Variants in SYNE1 observed in about 807,000 individuals in gnomAD.
SYNE1 encodes the protein spectrin repeat containing nuclear envelope protein 1, also known as nesprin-1.
Under a neutral mutation model 1,111.0 loss-of-function variants are expected in SYNE1, and 616 were observed. The ratio of observed to expected loss-of-function variants is 0.55; its 90% confidence interval spans 0.52 to 0.59. The LOEUF (loss-of-function observed/expected upper bound fraction) is 0.59, where lower values mean the gene tolerates loss of function less well. SYNE1 is among the 20% of genes least tolerant of loss of function. The probability of loss-of-function intolerance (pLI) is 0.00; values close to 1 mark genes in which losing one functional copy is unlikely to be tolerated. For synonymous variants in SYNE1, 3,855 were observed against 3,825.8 expected, an observed-to-expected ratio of 1.01 and a Z score of -0.28; for missense variants, 10,006 against 10,417.0, an observed-to-expected ratio of 0.96 and a Z score of 1.72.
At chr6:152,217,953 G>A (rs2079143765) in intron 121 of SYNE1, among the ~76,000 whole-genome samples, 1 of 152,112 alleles carries the variant, frequency 6.6e-6, no homozygotes, top group Admixed American at 6.6e-5. Context: ...GGGTGTGGTT[G>A]CTCATTCCTG....
intron 142 of SYNE1, 144 bp from the exon 143 acceptor site, chr6:152,133,632 C>A: frequency 1.2e-6 from 1 of 801,854 alleles, no homozygotes; most frequent in South Asian, 1.6e-5. Context: ...AAGGATGCAG[C>A]AGCTCACGGC....
At chr6:152,333,937 T>C in intron 77 of SYNE1, 71 bp downstream of exon 77, 1 of 1,606,828 alleles carries the variant, frequency 6.2e-7, no homozygotes, top group Non-Finnish European at 8.5e-7. Context: ...CTGGGCACAT[T>C]TTAAATTTTT....
At chr6:152,622,373 C>G (rs1232812311) in intron 3 of SYNE1, among the ~76,000 whole-genome samples, 5 of 152,038 alleles carry the variant, frequency 3.3e-5, no homozygotes, top group Non-Finnish European at 7.4e-5. Flanking sequence ...ATCCAGATAT[C>G]AAGCATAGTA....
chr6:152,157,881 C>T (rs976787998), intron 131 of SYNE1, among the ~76,000 whole-genome samples: 6 of 151,946 alleles, frequency 3.9e-5, no homozygotes, highest in Admixed American at 2.6e-4. Flanking sequence ...GCCTCAGCCT[C>T]CTGAGTAGCT....
chr6:152,149,710 C>T (rs1192091640), intron 135 of SYNE1, 42 bp from the exon 136 acceptor site: 2 of 1,535,010 alleles, frequency 1.3e-6, no homozygotes, highest in Non-Finnish European at 9.0e-7. Context: ...ATTGTTGTTG[C>T]TTACATTGAT....
At chr6:152,369,807 A>AC (rs907390533) in intron 59 of SYNE1, among the ~76,000 whole-genome samples, 193 bp from the exon 60 acceptor site, 2 of 150,756 alleles carry the variant, frequency 1.3e-5, no homozygotes, top group South Asian at 2.1e-4. Flanking sequence ...ACATGATGAG[A>AC]CCCCGTCTCT....
chr6:152,625,513 A>T (rs2099683989), intron 3 of SYNE1, among the ~76,000 whole-genome samples: 1 of 152,190 alleles, frequency 6.6e-6, no homozygotes, highest in African/African-American at 2.4e-5. Flanking sequence ...AACATAACCT[A>T]TAGACATGAA....
intron 3 of SYNE1, among the ~76,000 whole-genome samples, chr6:152,565,496 G>A (rs1048067928): frequency 7.2e-5 from 11 of 151,944 alleles, no homozygotes; most frequent in African/African-American, 2.2e-4. Flanking sequence ...CCTCTATTAC[G>A]TGCTAAGTGT....
At chr6:152,585,748 A>G (rs1458853109) in intron 3 of SYNE1, among the ~76,000 whole-genome samples, 1 of 152,218 alleles carries the variant, frequency 6.6e-6, no homozygotes, top group South Asian at 2.1e-4. Context: ...AAAGAAAAAC[A>G]CCGCCATGAT....
At position 152,148,030 on chromosome 6, in the gene SYNE1, G is replaced by A. The variant is rs780014672; in HGVS notation, c.24976+15C>T. 19 of 1,611,204 alleles carry A rather than the reference G, an allele frequency of 1.2e-5. No homozygotes were observed. Among genetic ancestry groups the A allele is most frequent in the Non-Finnish European group, 1.6e-5 (19 of 1,178,244 alleles). ...CTTTCCTTTAAGCTGGCAAACTGGA[G>A]AGGCTCTTTCCTACCTGATAAGCCA... On this transcript the variant is annotated intron_variant, in intron 137 of 145. Transcript: ENST00000367255. The surrounding 1 kb of genome is among the most constrained non-coding windows in gnomAD (Gnocchi z 4.1).
chr6:152,135,001 T>C (rs1411355614), intron 142 of SYNE1, 103 bp downstream of exon 142: 1 of 1,545,466 alleles, frequency 6.5e-7, no homozygotes, highest in Non-Finnish European at 8.9e-7. Context: ...ATGCAAAAAG[T>C]TAAAAAAAAA....
At chr6:152,579,353 A>C (rs1029518406) in intron 3 of SYNE1, among the ~76,000 whole-genome samples, 3 of 152,174 alleles carry the variant, frequency 2.0e-5, no homozygotes, top group African/African-American at 7.2e-5. Flanking sequence ...CTCAGCTACC[A>C]TGTTGTGAGG....
At chr6:152,476,162 T>A (rs1467293295) in intron 14 of SYNE1, among the ~76,000 whole-genome samples, 2 of 152,138 alleles carry the variant, frequency 1.3e-5, no homozygotes, top group African/African-American at 4.8e-5. Flanking sequence ...CGAATTTTTA[T>A]CTCCAAGCTG....
At chr6:152,371,171 C>T (rs560790793) in intron 59 of SYNE1, among the ~76,000 whole-genome samples, 4 of 152,066 alleles carry the variant, frequency 2.6e-5, no homozygotes, top group African/African-American at 7.2e-5. Context: ...GTGTCCCCCC[C>T]CAAATCTCAT....
intron 3 of SYNE1, among the ~76,000 whole-genome samples, chr6:152,555,598 T>C (rs977598341): frequency 3.9e-5 from 6 of 152,190 alleles, no homozygotes; most frequent in Non-Finnish European, 8.8e-5. Flanking sequence ...CCTGATTGCA[T>C]TTTAAATTAG....
At chr6:152,314,930 T>A (rs1195546026) in intron 87 of SYNE1, among the ~76,000 whole-genome samples, 1 of 132,108 alleles carries the variant, frequency 7.6e-6, no homozygotes, top group African/African-American at 2.7e-5. Context: ...ATGACGAGGT[T>A]GCAGTGAGCT....
At chr6:152,427,937 CT>C in intron 37 of SYNE1, 121 bp from the exon 38 acceptor site, 1 of 1,408,976 alleles carries the variant, frequency 7.1e-7, no homozygotes, top group Non-Finnish European at 9.8e-7. Flanking sequence ...TTATCTCAGT[CT>C]TAGATATGCC....
chr6:152,394,704 G>A (rs1357738247), intron 51 of SYNE1, among the ~76,000 whole-genome samples: 1 of 151,800 alleles, frequency 6.6e-6, no homozygotes, highest in Non-Finnish European at 1.5e-5. Flanking sequence ...AAGGATGGGT[G>A]GGTGGGAAAT....
rs533053930 is a variant in SYNE1 at position 152,353,541 on chromosome 6, G to T, written c.11082+48C>A. The stretch of plus-strand genomic sequence containing the variant: ...TGTTAGTGAAAGGAAGGCTATTTTG[G>T]CTGGCGAAGTTTGCTGGTCTATGCT... On this transcript the variant is annotated intron_variant, in intron 68 of 145. Transcript: ENST00000367255. 13 of 1,613,810 alleles carry T rather than the reference G, an allele frequency of 8.1e-6. No homozygotes were observed. In the East Asian group the frequency reaches 2.5e-4, roughly 30 times the overall value.
Sources: allele counts gnomAD v4.1 joint callset (sites outside exome capture counted in the v4.1 genomes callset), GRCh38; gene constraint gnomAD v4.1.1; non-coding constraint Gnocchi (gnomAD v3.1); transcripts MANE v1.5; gene names NCBI Gene and HGNC (gene_info 2026-07-23, HGNC 2026-07-21).